ROR1: variants seen among roughly 807,000 people sequenced by gnomAD.
ROR1 encodes ROR family WNT receptor 1, also known as inactive tyrosine-protein kinase transmembrane receptor ROR1.
Under a neutral mutation model 78.8 loss-of-function variants are expected in ROR1, and 19 were observed. The observed-to-expected ratio is 0.24, with a 90% CI of 0.17 to 0.35. ROR1 has a LOEUF of 0.35. Ranked by LOEUF, ROR1 falls within the 10% of genes least tolerant of loss-of-function variation. The pLI, the probability that ROR1 is intolerant of heterozygous loss-of-function variation, is 1.00. For missense variants in ROR1, 917 were observed against 1,177.8 expected (o/e 0.78, Z 3.24); for synonymous variants, 386 against 433.6 (o/e 0.89, Z 1.36).
intron 1 of ROR1, among the ~76,000 whole-genome samples, chr1:63,840,371 C>T (rs1252487285): frequency 4.0e-5 from 6 of 151,508 alleles, no homozygotes; most frequent in Non-Finnish European, 5.9e-5. Context: ...CCTCTGCCTC[C>T]GGGGTTCGAG....
chr1:64,096,137 T>C (rs1156655867), intron 4 of ROR1, among the ~76,000 whole-genome samples: 1 of 152,208 alleles, frequency 6.6e-6, no homozygotes, highest in Non-Finnish European at 1.5e-5. Flanking sequence ...CTCCATGAGA[T>C]ACCATCTGAT....
At chr1:64,136,669 TA>T (rs1335640509) in intron 4 of ROR1, among the ~76,000 whole-genome samples, 1 of 152,064 alleles carries the variant, frequency 6.6e-6, no homozygotes, top group Admixed American at 6.5e-5. Context: ...CCCCTCCTTA[TA>T]AAAAAAGTCT....
At chr1:63,888,865 A>G (rs855845) in intron 1 of ROR1, among the ~76,000 whole-genome samples, 126,525 of 152,144 alleles carry the variant, frequency 0.83, 54,319 homozygotes, top group East Asian at 1. Flanking sequence ...GAGACATTGT[A>G]TTAGTTATCT....
chr1:63,993,003 A>G (rs527309740), intron 1 of ROR1, among the ~76,000 whole-genome samples: 1 of 152,320 alleles, frequency 6.6e-6, no homozygotes, highest in African/African-American at 2.4e-5. Flanking sequence ...GATACCTAAT[A>G]AGTGTCCAAC....
rs1389972041 is a variant in ROR1 at position 63,962,744 on chromosome 1, A to T, written c.92-46561A>T. On this transcript the variant is annotated intron_variant, in intron 1 of 8. Transcript: ENST00000371079. ...TCAAAGGTGGGTCTGATGGGAGATG[A>T]TGCTAGGTGAGGTCAGTGGGGCCAC... is the stretch of plus-strand genomic sequence containing the variant. Among the ~76,000 whole-genome samples, 3 of 152,124 alleles carry T rather than the reference A, an allele frequency of 2.0e-5. 1 individual carries two copies. The highest frequency in any genetic ancestry group is 4.4e-5 in the Non-Finnish European group (3 of 68,024).
intron 4 of ROR1, among the ~76,000 whole-genome samples, chr1:64,068,453 G>T (rs541739495): frequency 2.6e-4 from 39 of 152,226 alleles, no homozygotes; most frequent in Middle Eastern, 3.4e-3. Context: ...CAATCAGCAA[G>T]CACTGGCAAA....
At position 64,159,141 on chromosome 1, in the gene ROR1, C is replaced by A; in HGVS notation, c.1335C>A (p.His445Gln). 2 of 1,614,080 alleles carry A rather than the reference C, an allele frequency of 1.2e-6. No homozygotes were observed. The highest frequency in any genetic ancestry group is 1.7e-5 in the Admixed American group (1 of 60,022). The change falls in exon 8 of 9, where the codon CAC becomes CAA. Residue 445 changes from histidine (H) to glutamine (Q), a missense_variant. His to Gln is a conservative substitution (Grantham distance 24). This residue lies in a region of ROR1 where 835 missense variants were observed against 1,069.8 expected (regional missense o/e 0.78). Transcript: ENST00000371079. ...CACCAGTCCAGAGGCAACCAAAACA[C>A]GTCAGAGGTCAAAATGTAGAGATGT... ...SSAPVQRQPKHVRGQNVEMSM... is the reference protein window; with the variant it reads ...SSAPVQRQPKQVRGQNVEMSM...
chr1:64,104,042 A>G (rs1295072318), intron 4 of ROR1, among the ~76,000 whole-genome samples: 2 of 152,166 alleles, frequency 1.3e-5, no homozygotes, highest in East Asian at 3.9e-4. Context: ...TCGCTCCAAC[A>G]AACAACTCTC....
rs74940158 is a variant in ROR1, at chr1:63,852,635, C to T, written c.91+78127C>T. Among the ~76,000 whole-genome samples the T allele has an allele frequency of 1.2e-3, 186 of 152,292 alleles. No individual in the cohort carries two copies. The East Asian group carries it at 0.017, about 14-fold the overall frequency. On this transcript the variant is annotated intron_variant, in intron 1 of 8. Transcript: ENST00000371079. ...CAGAAGAGGAAGAAACCTTTGTAGA[C>T]ACTCACTAATGCAAACCAGTTCCTT...
At chr1:63,936,041 G>A (rs1645791717) in intron 1 of ROR1, among the ~76,000 whole-genome samples, 1 of 152,178 alleles carries the variant, frequency 6.6e-6, no homozygotes, top group South Asian at 2.1e-4. Context: ...AATAAAATGG[G>A]AAAGTCCATT....
chr1:63,935,161 C>T (rs1645784810), intron 1 of ROR1, among the ~76,000 whole-genome samples: 1 of 151,832 alleles, frequency 6.6e-6, no homozygotes, highest in Non-Finnish European at 1.5e-5. Context: ...CCAACACCAC[C>T]ACCAAAGAAA....
intron 1 of ROR1, among the ~76,000 whole-genome samples, chr1:63,801,381 G>T (rs1644796470): frequency 6.6e-6 from 1 of 151,948 alleles, no homozygotes; most frequent in Non-Finnish European, 1.5e-5. Flanking sequence ...TGCAACTTCT[G>T]TCTCCTGGGT....
chr1:63,989,952 G>C (rs1646281939), intron 1 of ROR1, among the ~76,000 whole-genome samples: 1 of 152,152 alleles, frequency 6.6e-6, no homozygotes, highest in African/African-American at 2.4e-5. Flanking sequence ...CAGAGTGCTT[G>C]ATGTCTAAAG....
intron 4 of ROR1, among the ~76,000 whole-genome samples, chr1:64,115,166 G>C (rs1440651719): frequency 6.6e-6 from 1 of 151,608 alleles, no homozygotes; most frequent in Non-Finnish European, 1.5e-5. Context: ...AATATGTACA[G>C]TTTCACATCT....
intron 1 of ROR1, among the ~76,000 whole-genome samples, chr1:63,844,895 G>T (rs1244986070): frequency 6.6e-6 from 1 of 152,112 alleles, no homozygotes; most frequent in Non-Finnish European, 1.5e-5. Flanking sequence ...TCTATTACCT[G>T]GAGGAGGGGT....
chr1:63,985,601 G>C (rs1022644099), intron 1 of ROR1, among the ~76,000 whole-genome samples: 6 of 151,962 alleles, frequency 3.9e-5, no homozygotes, highest in African/African-American at 1.2e-4. Flanking sequence ...TAGGGGCCAG[G>C]CATGGTGGTT....
chr1:63,880,690 C>T (rs687578), intron 1 of ROR1, among the ~76,000 whole-genome samples: 119,584 of 152,118 alleles, frequency 0.79, 50,375 homozygotes, highest in East Asian at 0.99. Flanking sequence ...AGGTTCTTTT[C>T]GGTTTCTAAG....
chr1:63,814,095 G>A (rs965126689), intron 1 of ROR1, among the ~76,000 whole-genome samples: 2 of 152,196 alleles, frequency 1.3e-5, no homozygotes, highest in African/African-American at 4.8e-5. Context: ...TAGCTTTTGG[G>A]AGTCAGGCAG....
chr1:64,097,257 C>T (rs973029883), intron 4 of ROR1, among the ~76,000 whole-genome samples: 5 of 152,002 alleles, frequency 3.3e-5, no homozygotes, highest in Non-Finnish European at 5.9e-5. Context: ...CAAATTCAGT[C>T]AGCAACAGAC....
Sources: gnomAD v4.1 joint callset for allele counts (sites outside exome capture counted in the v4.1 genomes callset) on GRCh38, gnomAD v4.1.1 for gene constraint, gnomAD v4.1.1 regional missense constraint, MANE v1.5 for transcripts, NCBI Gene and HGNC (gene_info 2026-07-23, HGNC 2026-07-21) for gene names.